Variants in PKP2 observed in about 807,000 individuals in gnomAD.
PKP2 encodes the protein plakophilin 2, also known as plakophilin-2.
In PKP2, 73 loss-of-function variants were observed where a neutral mutation model predicts 83.4. The ratio of observed to expected loss-of-function variants is 0.88; its 90% CI spans 0.72 to 1.06. The LOEUF (loss-of-function observed/expected upper bound fraction) is 1.06, where lower values mean the gene tolerates loss of function less well. Among genes scored for constraint, PKP2 ranks in the 50% least tolerant of loss-of-function variants. The pLI is 0.00. For synonymous variants in PKP2, 409 were observed against 430.4 expected (o/e 0.95, Z 0.62); for missense variants, 966 against 1,065.4 (o/e 0.91, Z 1.30).
At chr12:32,835,936 T>C (rs1421995582) in intron 6 of PKP2, among the ~76,000 whole-genome samples, 3 of 152,198 alleles carry the variant, frequency 2.0e-5, no homozygotes, top group Non-Finnish European at 4.4e-5. Flanking sequence ...CACACCACCA[T>C]GCCTGGCTTG....
At chr12:32,869,298 T>C (rs1475551199) in intron 3 of PKP2, among the ~76,000 whole-genome samples, 3 of 152,200 alleles carry the variant, frequency 2.0e-5, no homozygotes, top group Non-Finnish European at 4.4e-5. Flanking sequence ...TTCGATTGAA[T>C]TATACCATAT....
Position 32,841,161 on chromosome 12 carries a change from T to C in PKP2, c.1423A>G (p.Met475Val), listed in dbSNP as rs751517092. The C allele has an allele frequency of 1.2e-6, 2 of 1,612,372 alleles. No individual in the cohort carries two copies. The highest frequency in any genetic ancestry group is 2.2e-5 in the South Asian group (2 of 91,036). The change falls in exon 6 of 13, where the codon ATG becomes GTG. Residue 475 changes from methionine to valine, a missense_variant. Met to Val is a conservative substitution (Grantham distance 21). Coordinates refer to ENST00000340811, the MANE Select transcript of PKP2 (RefSeq NM_001005242.3). Reference protein sequence around the residue: ...LSSNDKLKNLMITEALLTLTE... With the variant: ...LSSNDKLKNLVITEALLTLTE... ...AGCGTAAGCAATGCTTCTGTTATCA[T>C]GAGATTCTTGAGTTTGTCATTAGAT...
At position 32,850,987 on chromosome 12, in the gene PKP2, A is replaced by T; in HGVS notation, c.1171-14T>A. ...AAGCTGGTTAACCTGGGGAAGAAGCAGATGCATATTTCTAATATTAATTTT... is the reference window on the plus strand; with the variant it reads ...AAGCTGGTTAACCTGGGGAAGAAGCTGATGCATATTTCTAATATTAATTTT... On this transcript the variant is annotated splice_polypyrimidine_tract_variant and intron_variant, in intron 4 of 12. Coordinates refer to ENST00000340811, the MANE Select transcript of PKP2 (RefSeq NM_001005242.3). 1 of 1,605,380 alleles carries T rather than the reference A, an allele frequency of 6.2e-7. No homozygotes were observed. Among genetic ancestry groups the T allele is most frequent in the Non-Finnish European group, 8.5e-7 (1 of 1,172,864 alleles).
intron 8 of PKP2, 120 bp from the exon 9 acceptor site, chr12:32,821,649 C>T (rs1017545745): frequency 2.2e-6 from 2 of 916,188 alleles, no homozygotes; most frequent in Admixed American, 2.3e-5. Flanking sequence ...ATAAGAAGCC[C>T]TTGAAATAGA....
At chr12:32,865,517 C>T (rs1592757211) in intron 4 of PKP2, among the ~76,000 whole-genome samples, 1 of 150,956 alleles carries the variant, frequency 6.6e-6, no homozygotes. Flanking sequence ...CTCGACTCCA[C>T]TAAAAAAAAA....
In PKP2 at chr12:32,822,534, C is replaced by T. The variant is rs755076586; in HGVS notation, c.1772G>A (p.Arg591Gln). 8.7e-6 allele frequency: 14 copies of T among 1,613,864 alleles called. No individual in the cohort carries two copies. The highest frequency in any genetic ancestry group is 4.5e-5 in the East Asian group (2 of 44,890). Residue 591 changes from arginine (R) to glutamine (Q), a missense_variant, in exon 8 of 13, where the codon CGG (arginine) becomes CAG (glutamine). By Grantham distance (43) the Arg-to-Gln change is conservative. Transcript: ENST00000340811. The stretch of plus-strand genomic sequence containing the variant: ...TTTGTTGTTGTCAGTCTGGATATTC[C>T]GGTTTTGAATATAGATATTCTGGGA... The part of the protein sequence containing the change: ...KYSQNIYIQN[R>Q]NIQTDNNKSI...
At chr12:32,879,055 A>T (rs1956962807) in intron 1 of PKP2, 23 bp from the exon 2 acceptor site, 1 of 1,139,892 alleles carries the variant, frequency 8.8e-7, no homozygotes, top group Non-Finnish European at 1.3e-6. Context: ...AAATATTAAA[A>T]TAACTCAGAA....
intron 4 of PKP2, among the ~76,000 whole-genome samples, chr12:32,865,722 A>G (rs1003832569): frequency 6.6e-6 from 1 of 151,492 alleles, no homozygotes; most frequent in African/African-American, 2.4e-5. Context: ...CAGAATACAC[A>G]GTCCAGAAAT....
chr12:32,882,408 C>A (rs779011704), intron 1 of PKP2, among the ~76,000 whole-genome samples: 2 of 152,212 alleles, frequency 1.3e-5, no homozygotes, highest in South Asian at 2.1e-4. Context: ...CTGGAATATA[C>A]CCTTGCCCTA....
At chr12:32,854,481 C>T (rs546802087) in intron 4 of PKP2, among the ~76,000 whole-genome samples, 2 of 152,344 alleles carry the variant, frequency 1.3e-5, no homozygotes, top group South Asian at 4.1e-4. Flanking sequence ...TAATGACCTT[C>T]TCCTTGCATG....
chr12:32,881,986 G>A (rs1956990760), intron 1 of PKP2, among the ~76,000 whole-genome samples: 2 of 152,142 alleles, frequency 1.3e-5, no homozygotes, highest in Non-Finnish European at 2.9e-5. Context: ...AAGAGTCCGG[G>A]GGCCAGAGTA....
chr12:32,836,700 T>A (rs1214290114), intron 6 of PKP2, among the ~76,000 whole-genome samples: 2 of 152,214 alleles, frequency 1.3e-5, no homozygotes, highest in Non-Finnish European at 2.9e-5. Flanking sequence ...ATAACACCAA[T>A]GAATTTGTGG....
chr12:32,827,796 G>T (rs1956456751), intron 6 of PKP2, among the ~76,000 whole-genome samples: 1 of 147,304 alleles, frequency 6.8e-6, no homozygotes, highest in South Asian at 2.1e-4. Flanking sequence ...GTTACCAATA[G>T]AATATATTAA....
At chr12:32,815,349 C>T (rs947805979) in intron 9 of PKP2, among the ~76,000 whole-genome samples, 2 of 152,150 alleles carry the variant, frequency 1.3e-5, no homozygotes, top group African/African-American at 4.8e-5. Flanking sequence ...CTTACCACTA[C>T]TCCCTAATTC....
intron 5 of PKP2, among the ~76,000 whole-genome samples, chr12:32,843,951 A>C (rs1208899257): frequency 6.6e-6 from 1 of 152,242 alleles, no homozygotes; most frequent in Admixed American, 6.5e-5. Flanking sequence ...GCCTGCCAGA[A>C]GCTTAAGAAT....
intron 6 of PKP2, among the ~76,000 whole-genome samples, chr12:32,825,950 TCA>T (rs1956436182): frequency 6.6e-6 from 1 of 152,050 alleles, no homozygotes; most frequent in Non-Finnish European, 1.5e-5. Context: ...GCCTTCTGCC[TCA>T]AAATACTGCT....
rs1401272996 is a variant in PKP2 at position 32,864,307 on chromosome 12, C to CAT, written c.1170+4618_1170+4619dup. 2.8e-4 allele frequency among the ~76,000 whole-genome samples: 16 copies of CAT among 57,568 alleles called. No homozygotes were observed. In the South Asian group the frequency reaches 2.9e-3, roughly 11 times the overall value. The allele number at this position is 57,568 out of a possible 152,430, so 37.8% of individuals were successfully genotyped here. On this transcript the variant is annotated intron_variant, in intron 4 of 12. Coordinates refer to ENST00000340811, the MANE Select transcript of PKP2 (RefSeq NM_001005242.3). ...GAGAGGTTCTAGCAAGTACTATACA[C>CAT]ATACACACACACACACACACACACA...
intron 1 of PKP2, among the ~76,000 whole-genome samples, chr12:32,882,128 T>C (rs1029398840): frequency 1.3e-5 from 2 of 152,170 alleles, no homozygotes; most frequent in Admixed American, 6.5e-5. Flanking sequence ...GGCAGAACAT[T>C]ATTAGTTAGC....
In PKP2 at chr12:32,853,875, G is replaced by T. The variant is rs148221315; in HGVS notation, c.1171-2902C>A. ...GCCTTGACTGGCAAAATAGCACTGT[G>T]GGATATATACCCGTGTCTTCTGGGT... On this transcript the variant is annotated intron_variant, in intron 4 of 12. Coordinates refer to ENST00000340811, the MANE Select transcript of PKP2 (RefSeq NM_001005242.3). 1.6e-3 allele frequency among the ~76,000 whole-genome samples: 250 copies of T among 152,288 alleles called. 2 individuals carry two copies. The highest frequency in any genetic ancestry group is 5.5e-3 in the African/African-American group (228 of 41,558).
Sources: allele counts gnomAD v4.1 joint callset (sites outside exome capture counted in the v4.1 genomes callset), GRCh38; gene constraint gnomAD v4.1.1; transcripts MANE v1.5; gene names NCBI Gene and HGNC (gene_info 2026-07-23, HGNC 2026-07-21).